The following KRT5 variants were observed in gnomAD, a reference collection of about 807,000 sequenced individuals.
KRT5 encodes the protein keratin 5.
Under a neutral mutation model 44.0 loss-of-function variants are expected in KRT5, and 17 were observed. The ratio of observed to expected loss-of-function variants is 0.39; its 90% confidence interval spans 0.26 to 0.58. KRT5 has a LOEUF of 0.58. Among genes scored for constraint, KRT5 ranks in the 20% least tolerant of loss-of-function variants. The pLI is 0.61. For missense variants in KRT5, 737 were observed against 785.5 expected (o/e 0.94, Z 0.74); for synonymous variants, 329 against 312.8 (o/e 1.05, Z -0.55).
rs1470701148 is a variant in KRT5, at chr12:52,516,828, A to T, written c.1248T>A (p.Asp416Glu). 6.2e-7 allele frequency: 1 copy of T among 1,614,100 alleles called. No homozygotes were observed. The highest frequency in any genetic ancestry group is 1.3e-5 in the African/African-American group (1 of 74,940). Residue 416 changes from aspartate to glutamate, a missense_variant, in exon 7 of 9, where the codon GAT becomes GAA. Around this residue, in one of 5 missense-constraint regions of KRT5, gnomAD observed 344 missense variants for 351.6 expected, o/e 0.98. Coordinates refer to ENST00000252242, the MANE Select transcript of KRT5 (RefSeq NM_000424.4). ...GGGCCAGCTCCCCACGCTGCTCGGC[A>T]TCCGCAATGGCGTTCTGCAGATTGG... ...QCANLQNAIA[D>E]AEQRGELALK...
In KRT5 at chr12:52,519,832, C is replaced by T. The variant is rs1445452986; in HGVS notation, c.465G>A (p.Leu155=). ...VNQSLLTPLN[L]QIDPSIQRVR... ...CCCTCTGGATGCTGGGGTCGATTTG[C>T]AGGTTGAGGGGAGTCAGGAGACTCT... is the stretch of plus-strand genomic sequence containing the variant. Residue 155 remains leucine (L), a synonymous_variant, in exon 1 of 9, where the codon CTG becomes CTA. Transcript: ENST00000252242. 3.1e-6 allele frequency: 5 copies of T among 1,613,994 alleles called. No individual in the cohort carries two copies. The highest frequency in any genetic ancestry group is 4.2e-6 in the Non-Finnish European group (5 of 1,180,014).
At chr12:52,518,735 G>A (rs1258259979) in intron 2 of KRT5, among the ~76,000 whole-genome samples, 4 of 152,204 alleles carry the variant, frequency 2.6e-5, no homozygotes, top group African/African-American at 7.2e-5. Flanking sequence ...TGTTGACTAA[G>A]TTCCTTGCAG....
chr12:52,516,459 G>C, intron 7 of KRT5, 178 bp downstream of exon 7: 1 of 682,444 alleles, frequency 1.5e-6, no homozygotes, highest in Non-Finnish European at 2.6e-6. Flanking sequence ...GGGGAAAAGA[G>C]ACCAGAAAAG....
chr12:52,518,141 G>T lies in KRT5; in HGVS notation c.793C>A (p.Arg265Ser). The T allele has an allele frequency of 6.2e-7, 1 of 1,614,230 alleles. No individual in the cohort carries two copies. The highest frequency in any genetic ancestry group is 8.5e-7 in the Non-Finnish European group (1 of 1,180,028). The change falls in exon 3 of 9, where the codon CGT (arginine) becomes AGT (serine). Residue 265 changes from arginine (R) to serine (S), a missense_variant. Transcript: ENST00000252242. ...ACAAACTCATTCTCAGCAGTGGTAC[G>T]CTTGTTGATTTCATCCTCATACCTG... ...KNKYEDEINK[R>S]TTAENEFVML...
At chr12:52,518,738 C>T (rs1195760491) in intron 2 of KRT5, among the ~76,000 whole-genome samples, 1 of 152,212 alleles carries the variant, frequency 6.6e-6, no homozygotes, top group Non-Finnish European at 1.5e-5. Flanking sequence ...TGACTAAGTT[C>T]CTTGCAGAGG....
rs370812116 is a variant in KRT5 at position 52,520,201 on chromosome 12, G to A, written c.96C>T (p.Phe32=). The A allele has an allele frequency of 2.3e-5, 37 of 1,614,002 alleles. No homozygotes were observed. The African/African-American group carries it at 3.5e-4, about 15-fold the overall frequency. ...AITPSVSRTS[F]TSVSRSGGGG... is the part of the protein sequence containing the mutation. Reference sequence around the variant, plus strand: ...CACCCCCGGACCGGGACACGGAGGTGAAGCTGGTGCGGGAGACAGACGGGG... The same window carrying A: ...CACCCCCGGACCGGGACACGGAGGTAAAGCTGGTGCGGGAGACAGACGGGG... The change falls in exon 1 of 9, where the codon TTC becomes TTT. Residue 32 remains phenylalanine (F), a synonymous_variant. Coordinates refer to ENST00000252242, the MANE Select transcript of KRT5 (RefSeq NM_000424.4).
chr12:52,516,095 G>GA, intron 7 of KRT5: 1 of 568,462 alleles, frequency 1.8e-6, no homozygotes, highest in Admixed American at 3.1e-5. Context: ...AAGAGATTTG[G>GA]AAAATGTGAT....
rs778262903 is a variant in KRT5, at chr12:52,516,857, A to G, written c.1219T>C (p.Cys407Arg). The G allele has an allele frequency of 1.1e-5, 18 of 1,614,024 alleles. No homozygotes were observed. The highest frequency in any genetic ancestry group is 8.9e-5 in the East Asian group (4 of 44,898). ...GCAATGGCGTTCTGCAGATTGGCGC[A>G]CTACAGATAGAAAGGAGGAGAGTGG... is the stretch of plus-strand genomic sequence containing the variant. Reference protein sequence around the residue: ...RAEIDNVKKQCANLQNAIADA... With the variant: ...RAEIDNVKKQRANLQNAIADA... The change falls in exon 7 of 9, where the codon TGC becomes CGC. Residue 407 changes from cysteine to arginine, a missense_variant and splice_region_variant. Physicochemically the swap from Cys to Arg is radical, Grantham distance 180 (BLOSUM62 -3). Coordinates refer to ENST00000252242, the MANE Select transcript of KRT5 (RefSeq NM_000424.4).
Position 52,517,067 on chromosome 12 carries a change from A to G in KRT5, c.1218+40T>C, listed in dbSNP as rs60815939. 213,717 of 1,612,006 alleles carry G rather than the reference A, an allele frequency of 0.13. 15,066 individuals are homozygous for G. The highest frequency in any genetic ancestry group is 0.19 in the Middle Eastern group (1,138 of 6,006). Reference sequence around the variant, plus strand: ...AAACAAAGTAGGTGTTTCTTTTAGAACTCAGGCCCCTTCCTTGCCCTCTTT... The same window carrying G: ...AAACAAAGTAGGTGTTTCTTTTAGAGCTCAGGCCCCTTCCTTGCCCTCTTT... On this transcript the variant is annotated intron_variant, in intron 6 of 8. Coordinates refer to ENST00000252242, the MANE Select transcript of KRT5 (RefSeq NM_000424.4).
rs557568606 is a variant in KRT5 at position 52,515,542 on chromosome 12, A to G, written c.1474+256T>C. 3.2e-5 allele frequency: 20 copies of G among 623,770 alleles called. No individual in the cohort carries two copies. In the African/African-American group the frequency reaches 3.3e-4, roughly 10 times the overall value. The allele number at this position is 623,770 out of a possible 1,614,324, so 38.6% of individuals were successfully genotyped here. The stretch of plus-strand genomic sequence containing the variant: ...TAGGTACTGGGGGGAGCTAGGTACT[A>G]GGGACAAGGCAGGGGACAGGGTCCA... On this transcript the variant is annotated intron_variant, in intron 8 of 8. Transcript: ENST00000252242.
intron 4 of KRT5, 43 bp downstream of exon 4, chr12:52,517,853 GA>G (rs749037713): frequency 9.3e-6 from 15 of 1,607,722 alleles, no homozygotes; most frequent in Admixed American, 1.7e-5. Context: ...ACAACTTGAG[GA>G]AAAAAAACCC....
In KRT5 at chr12:52,519,892, G is replaced by A. The variant is rs753527599; in HGVS notation, c.405C>T (p.Cys135=). The part of the protein sequence containing the change: ...GGFGGPGFPV[C]PPGGIQEVTV... ...TGACCTCTTGGATACCTCCAGGAGG[G>A]CAGACAGGAAAGCCAGGGCCACCGA... Residue 135 remains cysteine, a synonymous_variant, in exon 1 of 9, where the codon TGC becomes TGT. Coordinates refer to ENST00000252242, the MANE Select transcript of KRT5 (RefSeq NM_000424.4). 7.6e-5 allele frequency: 122 copies of A among 1,613,914 alleles called. 1 individual carries two copies. In the South Asian group the frequency reaches 1.3e-3, roughly 18 times the overall value.
intron 2 of KRT5, chr12:52,518,589 T>A: frequency 1.8e-6 from 1 of 555,450 alleles, no homozygotes; most frequent in Non-Finnish European, 3.3e-6. Context: ...CAAGCTGGGT[T>A]ATGTCACCAG....
In KRT5 at chr12:52,520,207, G is replaced by A. The variant is rs1348648817; in HGVS notation, c.90C>T (p.Thr30=). 1 of 1,614,118 alleles carries A rather than the reference G, an allele frequency of 6.2e-7. No individual in the cohort carries two copies. ...CGGACCGGGACACGGAGGTGAAGCT[G>A]GTGCGGGAGACAGACGGGGTGATGG... ...ASAITPSVSR[T]SFTSVSRSGG... is the part of the protein sequence containing the mutation. The change falls in exon 1 of 9, where the codon ACC becomes ACT. Residue 30 remains threonine (T), a synonymous_variant. Transcript: ENST00000252242.
At chr12:52,516,073 T>A (rs1677484004) in intron 7 of KRT5, 1 of 592,410 alleles carries the variant, frequency 1.7e-6, no homozygotes, top group Admixed American at 2.9e-5. Context: ...CCACCCACTA[T>A]GGGGAAAGTA....
At chr12:52,518,061 A>T in intron 3 of KRT5, 42 bp downstream of exon 3, 1 of 1,613,012 alleles carries the variant, frequency 6.2e-7, no homozygotes, top group Middle Eastern at 1.7e-4. Context: ...ACGCTTAGAG[A>T]GCATAGCTGC....
rs746776082 is a variant in KRT5 at position 52,519,017 on chromosome 12, G to C, written c.699C>G (p.Ile233Met). 1.2e-6 allele frequency: 2 copies of C among 1,614,110 alleles called. No homozygotes were observed. Among genetic ancestry groups the C allele is most frequent in the Non-Finnish European group, 1.7e-6 (2 of 1,180,028 alleles). Residue 233 changes from isoleucine to methionine, a missense_variant, in exon 2 of 9, where the codon ATC becomes ATG. Ile to Met is a conservative substitution (Grantham distance 10). Coordinates refer to ENST00000252242, the MANE Select transcript of KRT5 (RefSeq NM_000424.4). ...INNLRRQLDSIVGERGRLDSE... is the reference protein window; with the variant it reads ...INNLRRQLDSMVGERGRLDSE... ...AGTCCAGGCGGCCCCGTTCCCCCAC[G>C]ATGCTGTCCAGCTGCCTCCTGAGGT... is the stretch of plus-strand genomic sequence containing the variant.
At chr12:52,515,603 T>C in intron 8 of KRT5, 195 bp downstream of exon 8, 1 of 664,030 alleles carries the variant, frequency 1.5e-6, no homozygotes, top group Non-Finnish European at 2.7e-6. Context: ...CTTTAAGAGA[T>C]GAGACATAAG....
intron 7 of KRT5, chr12:52,516,069 A>AAGTGGGTGAGTGTAAGAGGCAAGGTG: frequency 1.7e-6 from 1 of 593,538 alleles, no homozygotes. Flanking sequence ...TTCTCCACCC[A>AAGTGGGTGAGTGTAAGAGGCAAGGTG]CTATGGGGAA....
Sources: gnomAD v4.1 joint callset for allele counts (sites outside exome capture counted in the v4.1 genomes callset) on GRCh38, gnomAD v4.1.1 for gene constraint, gnomAD v4.1.1 regional missense constraint, MANE v1.5 for transcripts, NCBI Gene and HGNC (gene_info 2026-07-23, HGNC 2026-07-21) for gene names.